CALN1: variants seen among roughly 807,000 people sequenced by gnomAD.
CALN1 encodes the protein calneuron 1, also known as calcium-binding protein 8.
CALN1 carries 17 observed loss-of-function variants against 30.6 expected under a neutral mutation model. The observed-to-expected ratio is 0.56, with a 90% CI of 0.38 to 0.83. The LOEUF is 0.83. Among genes scored for constraint, CALN1 ranks in the 40% least tolerant of loss-of-function variants. The pLI, the probability that CALN1 is intolerant of heterozygous loss-of-function variation, is 0.00. For synonymous variants in CALN1, 156 were observed against 131.4 expected, an observed-to-expected ratio of 1.19 and a Z score of -1.28; for missense variants, 291 against 354.9, an observed-to-expected ratio of 0.82 and a Z score of 1.45.
rs183428628 is a variant in CALN1 at position 71,799,518 on chromosome 7, T to C, written c.658+10818A>G. On this transcript the variant is annotated intron_variant, in intron 6 of 6. Coordinates refer to ENST00000395275, the MANE Select transcript of CALN1 (RefSeq NM_031468.4). ...TCTCACTCTGTTGCCCAGGCTGGAG[T>C]GCAATGGTGCGATCTCAGTTCACTG... 1.9e-3 allele frequency among the ~76,000 whole-genome samples: 286 copies of C among 152,150 alleles called. 1 individual carries two copies. The highest frequency in any genetic ancestry group is 6.8e-3 in the Middle Eastern group (2 of 294).
intron 3 of CALN1, among the ~76,000 whole-genome samples, chr7:72,239,442 G>A (rs949097223): frequency 1.3e-5 from 2 of 152,022 alleles, no homozygotes; most frequent in African/African-American, 2.4e-5. Flanking sequence ...ATTCTGTGAC[G>A]CTCTGCTGTC....
At chr7:71,931,312 C>T (rs546405251) in intron 5 of CALN1, among the ~76,000 whole-genome samples, 1 of 152,026 alleles carries the variant, frequency 6.6e-6, no homozygotes, top group East Asian at 1.9e-4. Flanking sequence ...GTCACCCAGG[C>T]TAGAGTGCAG....
chr7:72,488,260 A>T, the CALN1 span, among the ~76,000 whole-genome samples: 1 of 151,976 alleles, frequency 6.6e-6, no homozygotes, highest in Non-Finnish European at 1.5e-5. Context: ...AGTTTCAGTT[A>T]CTTGGGAGGC....
intron 5 of CALN1, among the ~76,000 whole-genome samples, chr7:71,986,985 G>A (rs1045486959): frequency 5.9e-5 from 9 of 152,086 alleles, no homozygotes; most frequent in South Asian, 2.1e-4. Flanking sequence ...AAAATTAGCC[G>A]GGCGGTAGTA....
chr7:72,104,894 C>T (rs1806969238), intron 4 of CALN1, among the ~76,000 whole-genome samples: 1 of 152,052 alleles, frequency 6.6e-6, no homozygotes, highest in South Asian at 2.1e-4. Context: ...GAGGCGGAGG[C>T]TGCAGTGAGT....
chr7:71,944,969 A>G (rs1796332674), intron 5 of CALN1, among the ~76,000 whole-genome samples: 2 of 150,140 alleles, frequency 1.3e-5, no homozygotes, highest in Non-Finnish European at 2.9e-5. Flanking sequence ...TCCAAATCTC[A>G]TTTTGAAATG....
intron 5 of CALN1, among the ~76,000 whole-genome samples, chr7:71,869,770 C>T (rs1010930011): frequency 3.3e-5 from 5 of 152,160 alleles, no homozygotes; most frequent in East Asian, 1.9e-4. Flanking sequence ...CTGGGGTGAT[C>T]GGGTTGTTTG....
intron 5 of CALN1, among the ~76,000 whole-genome samples, chr7:71,865,748 T>C (rs547304690): frequency 1.2e-4 from 18 of 152,312 alleles, no homozygotes; most frequent in Admixed American, 1.0e-3. Flanking sequence ...GGGTATTGAG[T>C]TTATTTATAG....
rs532910615 is a variant in CALN1 at position 72,017,226 on chromosome 7, G to C, written c.501+6431C>G. 1.3e-4 allele frequency among the ~76,000 whole-genome samples: 20 copies of C among 150,488 alleles called. No homozygotes were observed. The South Asian group carries it at 4.2e-3, about 32-fold the overall frequency. Reference sequence around the variant, plus strand: ...ACCAAAGCAGAAATGGAAAGCCACAGGAGACACGAGACCACAGCAAGAACT... The same window carrying C: ...ACCAAAGCAGAAATGGAAAGCCACACGAGACACGAGACCACAGCAAGAACT... On this transcript the variant is annotated intron_variant, in intron 5 of 6. Transcript: ENST00000395275.
At chr7:72,465,543 G>A in the CALN1 span, among the ~76,000 whole-genome samples, 1 of 152,146 alleles carries the variant, frequency 6.6e-6, no homozygotes, top group Non-Finnish European at 1.5e-5. Flanking sequence ...CTGCAGCCAG[G>A]AGAAATGAGC....
chr7:72,406,726 C>T (rs763386048), intron 1 of CALN1, among the ~76,000 whole-genome samples: 2 of 151,968 alleles, frequency 1.3e-5, no homozygotes, highest in African/African-American at 4.8e-5. Context: ...AAGCCATTCT[C>T]CTGCCTCAGC....
At chr7:72,107,307 TAGG>T (rs1371752139) in intron 3 of CALN1, among the ~76,000 whole-genome samples, 1 of 152,312 alleles carries the variant, frequency 6.6e-6, no homozygotes, top group East Asian at 1.9e-4. Flanking sequence ...TCCAGCCTCA[TAGG>T]AGGAGAAGAG....
chr7:72,347,171 G>A lies in CALN1; in HGVS notation c.119+56080C>T, dbSNP rs149106112. Among the ~76,000 whole-genome samples the A allele has an allele frequency of 1.6e-3, 245 of 152,116 alleles. 1 individual carries two copies. Among genetic ancestry groups the A allele is most frequent in the African/African-American group, 5.0e-3 (207 of 41,516 alleles). On this transcript the variant is annotated intron_variant, in intron 2 of 6. Transcript: ENST00000395275. ...GTCCTATAAACTCCGAATAGGATAC[G>A]TGCAATGAAATCCACATGAAAGCAA...
rs931399655 is a variant in CALN1 at position 71,781,695 on chromosome 7, A to G, written c.*6080T>C. Reference sequence around the variant, plus strand: ...AAATTCCAGCCTCTGCATCCTTTCCACTTGGACAATAACTTCTAACAGTGC... The same window carrying G: ...AAATTCCAGCCTCTGCATCCTTTCCGCTTGGACAATAACTTCTAACAGTGC... On this transcript the variant is annotated 3_prime_UTR_variant, in exon 7 of 7. Coordinates refer to ENST00000395275, the MANE Select transcript of CALN1 (RefSeq NM_031468.4). 7 of 152,128 alleles carry G rather than the reference A, an allele frequency of 4.6e-5. No homozygotes were observed. The highest frequency in any genetic ancestry group is 1.7e-4 in the African/African-American group (7 of 41,424). 9.4% of individuals were successfully genotyped at this position (152,128 alleles called of 1,614,324 possible).
intron 5 of CALN1, among the ~76,000 whole-genome samples, chr7:71,996,419 T>TC (rs1280613377): frequency 6.6e-6 from 1 of 152,186 alleles, no homozygotes; most frequent in African/African-American, 2.4e-5. Context: ...TGAGTGTTGT[T>TC]CCCCTCCCTG....
Position 71,950,397 on chromosome 7 carries a change from G to A in CALN1, c.501+73260C>T, listed in dbSNP as rs977965057. Among the ~76,000 whole-genome samples the A allele has an allele frequency of 4.6e-5, 7 of 152,100 alleles. No homozygotes were observed. In the East Asian group the frequency reaches 5.8e-4, roughly 13 times the overall value. On this transcript the variant is annotated intron_variant, in intron 5 of 6. Transcript: ENST00000395275. ...CTAGGTCTCCGACAATCACTACCAC[G>A]CATTTTTGGATATTGCAGAGTACTT...
At chr7:71,903,899 T>C (rs1054680983) in intron 5 of CALN1, among the ~76,000 whole-genome samples, 1 of 152,036 alleles carries the variant, frequency 6.6e-6, no homozygotes, top group South Asian at 2.1e-4. Context: ...CCTGAATAGA[T>C]GATTTTTTCA....
chr7:71,931,775 C>T (rs755858489), intron 5 of CALN1, among the ~76,000 whole-genome samples: 8 of 152,122 alleles, frequency 5.3e-5, no homozygotes, highest in Non-Finnish European at 1.2e-4. Context: ...GGGAGGCTTA[C>T]GGTGGCAGGA....
intron 3 of CALN1, among the ~76,000 whole-genome samples, chr7:72,135,378 A>C (rs1809435643): frequency 6.6e-6 from 1 of 152,214 alleles, no homozygotes; most frequent in Non-Finnish European, 1.5e-5. Context: ...TTAAATATTA[A>C]GACTTGAAAG....
Sources: allele counts gnomAD v4.1 joint callset (sites outside exome capture counted in the v4.1 genomes callset), GRCh38; gene constraint gnomAD v4.1.1; transcripts MANE v1.5; gene names NCBI Gene and HGNC (gene_info 2026-07-23, HGNC 2026-07-21).